MAOA: variants seen among roughly 807,000 people sequenced by gnomAD.
The protein encoded by MAOA is monoamine oxidase A, also known as amine oxidase [flavin-containing] A.
A neutral mutation model predicts 42.0 loss-of-function variants in MAOA; 6 were observed. The ratio of observed to expected loss-of-function variants is 0.14; its 90% CI spans 0.08 to 0.28. MAOA has a LOEUF of 0.28. MAOA is among the 10% of genes least tolerant of loss of function. The pLI is 1.00. For missense variants in MAOA, 262 were observed against 422.3 expected (o/e 0.62, Z 3.33); for synonymous variants, 140 against 154.0 (o/e 0.91, Z 0.67).
intron 1 of MAOA, among the ~76,000 whole-genome samples, chrX:43,671,639 C>T: frequency 1.0e-5 from 1 of 100,495 alleles, no homozygotes; most frequent in South Asian, 4.9e-4. Flanking sequence ...AGGAAGGGAT[C>T]CAGTTTCAGC....
chrX:43,703,987 G>T (rs182044768), intron 3 of MAOA, among the ~76,000 whole-genome samples: 1 of 111,892 alleles, frequency 8.9e-6, no homozygotes, highest in African/African-American at 3.2e-5. Context: ...TAAGGAAAGA[G>T]ATTGAATTAG....
intron 3 of MAOA, among the ~76,000 whole-genome samples, chrX:43,696,096 A>G (rs1397685965): frequency 8.9e-6 from 1 of 111,947 alleles, no homozygotes; most frequent in East Asian, 2.8e-4. Context: ...TAGAGGATGA[A>G]CTAATGGAAA....
At position 43,712,702 on chromosome X, in the gene MAOA, C is replaced by T; in HGVS notation, c.412-3C>T. 1 of 1,189,565 alleles carries T rather than the reference C, an allele frequency of 8.4e-7. No individual in the cohort carries two copies. The highest frequency in any genetic ancestry group is 1.8e-5 in the South Asian group (1 of 56,308). On this transcript the variant is annotated splice_polypyrimidine_tract_variant and splice_region_variant and intron_variant, in intron 4 of 14. Transcript: ENST00000338702. ...CCTGAGAGGGGACTTCCTTTCTCTA[C>T]AGATTCCAACTGATGCACCCTGGGA... is the stretch of plus-strand genomic sequence containing the variant.
intron 2 of MAOA, among the ~76,000 whole-genome samples, chrX:43,690,342 T>G (rs897105817): frequency 9.0e-6 from 1 of 111,244 alleles, no homozygotes; most frequent in African/African-American, 3.3e-5. Flanking sequence ...TTTAAAAATT[T>G]TAATTAGTAC....
intron 1 of MAOA, among the ~76,000 whole-genome samples, chrX:43,677,731 C>T (rs894416835): frequency 1.8e-5 from 2 of 111,619 alleles, no homozygotes; most frequent in Non-Finnish European, 3.8e-5. Context: ...TCTCCTTGTT[C>T]ACACAATAAG....
chrX:43,692,039 GCACGCA>G (rs1412125968), intron 2 of MAOA, among the ~76,000 whole-genome samples: 1 of 10,970 alleles, frequency 9.1e-5, no homozygotes, highest in Admixed American at 1.3e-3. Flanking sequence ...ACACACACAC[GCACGCA>G]CACATCTTTA....
intron 3 of MAOA, among the ~76,000 whole-genome samples, chrX:43,702,118 GT>G (rs2033629243): frequency 8.9e-6 from 1 of 112,154 alleles, no homozygotes; most frequent in African/African-American, 3.2e-5. Context: ...GGGAAATTCA[GT>G]TGTCTCATGA....
chrX:43,695,231 T>A (rs997587572), intron 3 of MAOA, among the ~76,000 whole-genome samples: 4 of 112,294 alleles, frequency 3.6e-5, no homozygotes, highest in Non-Finnish European at 7.5e-5. Context: ...GGTATCTCAC[T>A]GTCAATATCA....
chrX:43,744,322 T>C lies in MAOA; in HGVS notation c.1438-45T>C, dbSNP rs1601951588. On this transcript the variant is annotated intron_variant, in intron 14 of 14. Coordinates refer to ENST00000338702, the MANE Select transcript of MAOA (RefSeq NM_000240.4). ...GATCTTGCAGTGTTTTGTTCCTCCTTGTCAGCATGAGTTTTTTGCTCATGA... is the reference window on the plus strand; with the variant it reads ...GATCTTGCAGTGTTTTGTTCCTCCTCGTCAGCATGAGTTTTTTGCTCATGA... 3 of 1,203,065 alleles carry C rather than the reference T, an allele frequency of 2.5e-6. No individual in the cohort carries two copies. The East Asian group carries it at 8.9e-5, about 36-fold the overall frequency.
intron 5 of MAOA, among the ~76,000 whole-genome samples, chrX:43,727,059 G>T (rs1417149154): frequency 8.9e-6 from 1 of 111,824 alleles, no homozygotes; most frequent in Admixed American, 9.5e-5. Context: ...TTTGTCCCAG[G>T]GGGGCACCCA....
At chrX:43,702,263 G>A (rs1436791959) in intron 3 of MAOA, among the ~76,000 whole-genome samples, 3 of 111,833 alleles carry the variant, frequency 2.7e-5, no homozygotes, top group African/African-American at 9.8e-5. Flanking sequence ...CAAATTCAAT[G>A]AACAGATACC....
At chrX:43,667,002 G>A (rs747951374) in intron 1 of MAOA, among the ~76,000 whole-genome samples, 2 of 13,688 alleles carry the variant, frequency 1.5e-4, no homozygotes, top group East Asian at 1.6e-3. Flanking sequence ...ATGGGGTGGG[G>A]GGCGGGGGGG....
At chrX:43,694,825 C>A (rs1329681940) in intron 3 of MAOA, among the ~76,000 whole-genome samples, 1 of 111,837 alleles carries the variant, frequency 8.9e-6, no homozygotes, top group Non-Finnish European at 1.9e-5. Flanking sequence ...CATGTAAATT[C>A]ACTCTCCACT....
At chrX:43,673,933 G>C (rs1239288567) in intron 1 of MAOA, among the ~76,000 whole-genome samples, 3 of 109,528 alleles carry the variant, frequency 2.7e-5, no homozygotes, top group African/African-American at 1.0e-4. Flanking sequence ...TTGATTTGGG[G>C]TGGAGAGTTC....
At chrX:43,740,879 A>G in intron 11 of MAOA, 141 bp downstream of exon 11, 1 of 524,633 alleles carries the variant, frequency 1.9e-6, no homozygotes. Context: ...AAACTTCAGC[A>G]GTCACAAAAG....
chrX:43,676,595 C>A (rs73633018), intron 1 of MAOA, among the ~76,000 whole-genome samples: 1 of 111,368 alleles, frequency 9.0e-6, no homozygotes, highest in Non-Finnish European at 1.9e-5. Flanking sequence ...TGGCTGCCCT[C>A]CAGTCTCTGA....
chrX:43,670,357 T>C (rs1166379898), intron 1 of MAOA, among the ~76,000 whole-genome samples: 1 of 111,985 alleles, frequency 8.9e-6, no homozygotes, highest in Non-Finnish European at 1.9e-5. Flanking sequence ...TGTTTGTTTT[T>C]AAACTGTGAA....
At chrX:43,706,824 T>C (rs1328087461) in intron 3 of MAOA, among the ~76,000 whole-genome samples, 1 of 110,166 alleles carries the variant, frequency 9.1e-6, no homozygotes, top group Non-Finnish European at 1.9e-5. Flanking sequence ...AAAAAACAAA[T>C]AAAACCCTTC....
intron 5 of MAOA, among the ~76,000 whole-genome samples, chrX:43,714,596 A>G (rs1021149669): frequency 5.4e-5 from 6 of 110,165 alleles, no homozygotes; most frequent in African/African-American, 2.0e-4. Flanking sequence ...TGTCTTCCAG[A>G]AATGAGCCAC....
Sources: allele counts gnomAD v4.1 joint callset (sites outside exome capture counted in the v4.1 genomes callset), GRCh38; gene constraint gnomAD v4.1.1; transcripts MANE v1.5; gene names NCBI Gene and HGNC (gene_info 2026-07-23, HGNC 2026-07-21).